The following GPR158 variants were observed in gnomAD, a reference collection of about 807,000 sequenced individuals.
GPR158 encodes metabotropic glycine receptor.
A neutral mutation model predicts 78.2 loss-of-function variants in GPR158; 30 were observed. The ratio of observed to expected loss-of-function variants is 0.38; its 90% CI spans 0.29 to 0.52. The LOEUF is 0.52. GPR158 is among the 20% of genes least tolerant of loss of function. The pLI, the probability that GPR158 is intolerant of heterozygous loss-of-function variation, is 0.83. For synonymous variants in GPR158, 581 were observed against 591.1 expected (o/e 0.98, Z 0.25); for missense variants, 1,463 against 1,523.5 (o/e 0.96, Z 0.66).
intron 7 of GPR158, among the ~76,000 whole-genome samples, chr10:25,586,709 G>A (rs556942519): frequency 7.2e-5 from 11 of 152,234 alleles, no homozygotes; most frequent in South Asian, 2.1e-4. Flanking sequence ...CACCGTGCCC[G>A]GCCCGGTATG....
chr10:25,502,989 A>G (rs1017570384), intron 5 of GPR158, among the ~76,000 whole-genome samples: 14 of 152,198 alleles, frequency 9.2e-5, no homozygotes, highest in Non-Finnish European at 1.6e-4. Context: ...TTTTGGTAAC[A>G]TGTTTTAGGG....
At chr10:25,407,329 A>G (rs1399764291) in intron 3 of GPR158, among the ~76,000 whole-genome samples, 1 of 152,236 alleles carries the variant, frequency 6.6e-6, no homozygotes, top group Non-Finnish European at 1.5e-5. Context: ...TTTGGGGATA[A>G]TTAAGAATTT....
intron 5 of GPR158, among the ~76,000 whole-genome samples, chr10:25,473,850 CATG>C (rs1281881692): frequency 6.6e-6 from 1 of 152,128 alleles, no homozygotes; most frequent in Non-Finnish European, 1.5e-5. Context: ...TCAGATAAAA[CATG>C]ATCTCTTTCA....
intron 1 of GPR158, among the ~76,000 whole-genome samples, chr10:25,220,707 T>C (rs1853288112): frequency 6.6e-6 from 1 of 152,112 alleles, no homozygotes; most frequent in Non-Finnish European, 1.5e-5. Flanking sequence ...CTAGAAGGGG[T>C]TCTGAGAGCA....
intron 1 of GPR158, among the ~76,000 whole-genome samples, chr10:25,212,355 C>T (rs1046044356): frequency 1.3e-5 from 2 of 152,088 alleles, no homozygotes; most frequent in African/African-American, 4.8e-5. Flanking sequence ...CACTTTTGGA[C>T]AACCGGAACT....
chr10:25,412,362 C>T lies in GPR158; in HGVS notation c.1224C>T (p.Cys408=), dbSNP rs745362271. 1.2e-6 allele frequency: 2 copies of T among 1,613,576 alleles called. No homozygotes were observed. Among genetic ancestry groups the T allele is most frequent in the South Asian group, 1.1e-5 (1 of 91,072 alleles). The stretch of plus-strand genomic sequence containing the variant: ...CCTTCTGTGCTGATGACAGCCCATG[C>T]TTCGTCCAGGAAGATAAGTATTTAC... ...GCPFCADDSP[C]FVQEDKYLRL... is the part of the protein sequence containing the mutation. Residue 408 remains cysteine (C), a synonymous_variant, in exon 4 of 11, where the codon TGC becomes TGT. Coordinates refer to ENST00000376351, the MANE Select transcript of GPR158 (RefSeq NM_020752.3).
chr10:25,597,107 C>T (rs945359051), intron 10 of GPR158, among the ~76,000 whole-genome samples: 2 of 152,148 alleles, frequency 1.3e-5, no homozygotes, highest in Non-Finnish European at 2.9e-5. Context: ...TTCCATAATA[C>T]ATGTTTATAA....
At chr10:25,320,916 G>A (rs779588218) in intron 2 of GPR158, among the ~76,000 whole-genome samples, 2 of 152,104 alleles carry the variant, frequency 1.3e-5, no homozygotes, top group African/African-American at 4.8e-5. Context: ...ATCTAACTCA[G>A]GAGAAAATCA....
At chr10:25,210,089 A>G (rs1430490258) in intron 1 of GPR158, among the ~76,000 whole-genome samples, 1 of 152,256 alleles carries the variant, frequency 6.6e-6, no homozygotes, top group Non-Finnish European at 1.5e-5. Context: ...ACACAGTGAC[A>G]GAAAGGAAAT....
At position 25,598,477 on chromosome 10, in the gene GPR158, A is replaced by G; in HGVS notation, c.2851A>G (p.Thr951Ala). 3.7e-6 allele frequency: 6 copies of G among 1,614,098 alleles called. No homozygotes were observed. The highest frequency in any genetic ancestry group is 5.1e-6 in the Non-Finnish European group (6 of 1,180,020). ...TNRNHSNSDN[T>A]ETKDPAPQNS... ...CAGAAATCACTCAAATTCTGATAAC[A>G]CAGAGACTAAAGATCCTGCCCCCCA... The change falls in exon 11 of 11, where the codon ACA becomes GCA. Residue 951 changes from threonine to alanine, a missense_variant. Thr to Ala is a moderately conservative substitution (Grantham distance 58). Transcript: ENST00000376351.
At chr10:25,548,680 A>G (rs1320533950) in intron 5 of GPR158, among the ~76,000 whole-genome samples, 7 of 152,084 alleles carry the variant, frequency 4.6e-5, no homozygotes, top group Non-Finnish European at 2.9e-5. Flanking sequence ...CAAAGCCTGT[A>G]CTCTCTCCTA....
intron 5 of GPR158, among the ~76,000 whole-genome samples, chr10:25,502,318 AC>A (rs1400947542): frequency 6.6e-6 from 1 of 152,032 alleles, no homozygotes; most frequent in Non-Finnish European, 1.5e-5. Context: ...AGGGGAGAAA[AC>A]TTTCATGTAC....
chr10:25,426,024 TG>T lies in GPR158; in HGVS notation c.1335+13556del, dbSNP rs1834815845. Among the ~76,000 whole-genome samples the T allele has an allele frequency of 2.6e-5, 4 of 152,126 alleles. No individual in the cohort carries two copies. The South Asian group carries it at 8.3e-4, about 31-fold the overall frequency. ...TTTTCTCTCTTTATCTGTGAAGGTA[TG>T]GGGGTTAAACAAACTAAGTTAAAAT... On this transcript the variant is annotated intron_variant, in intron 4 of 10. Transcript: ENST00000376351.
At chr10:25,300,363 G>T (rs1043472121) in intron 2 of GPR158, among the ~76,000 whole-genome samples, 1 of 152,104 alleles carries the variant, frequency 6.6e-6, no homozygotes, top group Non-Finnish European at 1.5e-5. Flanking sequence ...ACTCTCTTCT[G>T]CCTTCCTCTT....
At chr10:25,563,022 TATA>T (rs1836878684) in intron 6 of GPR158, among the ~76,000 whole-genome samples, 1 of 152,194 alleles carries the variant, frequency 6.6e-6, no homozygotes, top group Admixed American at 6.5e-5. Context: ...TTTATAATTA[TATA>T]ATGTCATTTT....
chr10:25,425,099 C>T (rs912127874), intron 4 of GPR158, among the ~76,000 whole-genome samples: 3 of 152,158 alleles, frequency 2.0e-5, no homozygotes, highest in Non-Finnish European at 4.4e-5. Context: ...TGGTCCTTCA[C>T]ATCCCTTGTA....
intron 1 of GPR158, among the ~76,000 whole-genome samples, chr10:25,212,493 C>T (rs915985901): frequency 2.3e-4 from 35 of 152,050 alleles, no homozygotes; most frequent in Non-Finnish European, 3.8e-4. Flanking sequence ...GAGATTTAGG[C>T]GGGAACACAG....
chr10:25,502,275 C>A (rs1200875507), intron 5 of GPR158, among the ~76,000 whole-genome samples: 1 of 152,130 alleles, frequency 6.6e-6, no homozygotes, highest in East Asian at 1.9e-4. Flanking sequence ...CAGGGTATTT[C>A]CACCATCAAC....
chr10:25,428,254 T>C (rs183439523), intron 4 of GPR158, among the ~76,000 whole-genome samples: 20 of 152,234 alleles, frequency 1.3e-4, no homozygotes, highest in Admixed American at 1.3e-3. Context: ...TATTTTCTTG[T>C]CACTTGAGAG....
Sources: gnomAD v4.1 joint callset for allele counts (sites outside exome capture counted in the v4.1 genomes callset) on GRCh38, gnomAD v4.1.1 for gene constraint, MANE v1.5 for transcripts, NCBI Gene and HGNC (gene_info 2026-07-23, HGNC 2026-07-21) for gene names.